ADCY5: variants seen among roughly 807,000 people sequenced by gnomAD.
The protein encoded by ADCY5 is adenylate cyclase 5.
Under a neutral mutation model 119.7 loss-of-function variants are expected in ADCY5, and 30 were observed. The observed-to-expected ratio is 0.25, with a 90% CI of 0.19 to 0.34. ADCY5 has a LOEUF of 0.34. ADCY5 is among the 10% of genes least tolerant of loss of function. The pLI is 1.00. For synonymous variants in ADCY5, 753 were observed against 762.2 expected (o/e 0.99, Z 0.20); for missense variants, 1,324 against 1,775.2 (o/e 0.75, Z 4.57).
At chr3:123,295,751 C>T (rs1219577545) in intron 17 of ADCY5, among the ~76,000 whole-genome samples, 1 of 152,186 alleles carries the variant, frequency 6.6e-6, no homozygotes. Context: ...CCGCACCTCC[C>T]CTCTGTCCCT....
intron 1 of ADCY5, among the ~76,000 whole-genome samples, chr3:123,435,665 A>C (rs1184416595): frequency 6.6e-6 from 1 of 151,988 alleles, no homozygotes; most frequent in Non-Finnish European, 1.5e-5. Flanking sequence ...ACCTGAAGAC[A>C]GGTTAGAGTA....
chr3:123,448,046 C>T lies in ADCY5; in HGVS notation c.500G>A (p.Gly167Glu). 8.0e-7 allele frequency: 1 copy of T among 1,243,390 alleles called. No homozygotes were observed. Among genetic ancestry groups the T allele is most frequent in the Non-Finnish European group, 1.0e-6 (1 of 993,856 alleles). The allele number at this position is 1,243,390 out of a possible 1,614,324, so 77.0% of individuals were successfully genotyped here. Reference protein sequence around the residue: ...EVGLEERRGKGRAADELEAGA... With the variant: ...EVGLEERRGKERAADELEAGA... Reference sequence around the variant, plus strand: ...GGCCTCCAGCTCGTCGGCCGCGCGCCCCTTGCCCCGCCGCTCCTCCAGACC... The same window carrying T: ...GGCCTCCAGCTCGTCGGCCGCGCGCTCCTTGCCCCGCCGCTCCTCCAGACC... Residue 167 changes from glycine to glutamate, a missense_variant, in exon 1 of 21, where the codon GGG becomes GAG. By Grantham distance (98) the Gly-to-Glu change is moderately conservative. Coordinates refer to ENST00000462833, the MANE Select transcript of ADCY5 (RefSeq NM_183357.3).
intron 1 of ADCY5, among the ~76,000 whole-genome samples, chr3:123,395,947 GAGAGACAGAGAGA>G (rs1330433302): frequency 2.1e-5 from 3 of 141,468 alleles, no homozygotes; most frequent in African/African-American, 7.9e-5. Flanking sequence ...AGGAAGGAAG[GAGAGACAGAGAGA>G]AAGAAAGGAA....
intron 1 of ADCY5, among the ~76,000 whole-genome samples, chr3:123,422,013 A>T (rs1226205394): frequency 6.6e-6 from 1 of 152,146 alleles, no homozygotes; most frequent in Non-Finnish European, 1.5e-5. Flanking sequence ...TAATAATCAC[A>T]TTACCCGGTG....
rs1453664682 is a variant in ADCY5 at position 123,340,178 on chromosome 3, G to C, written c.1407-7503C>G. On this transcript the variant is annotated intron_variant, in intron 3 of 20. Coordinates refer to ENST00000462833, the MANE Select transcript of ADCY5 (RefSeq NM_183357.3). ...GTGGCAGCAGGCACCTGGGGTCCGAGTTACTGGGAGCTGAGGTGGGAGAAC... is the reference window on the plus strand; with the variant it reads ...GTGGCAGCAGGCACCTGGGGTCCGACTTACTGGGAGCTGAGGTGGGAGAAC... 3.9e-5 allele frequency among the ~76,000 whole-genome samples: 6 copies of C among 151,990 alleles called. No homozygotes were observed. The South Asian group carries it at 8.3e-4, about 21-fold the overall frequency.
At chr3:123,315,975 G>A (rs1940895583) in intron 11 of ADCY5, among the ~76,000 whole-genome samples, 1 of 152,176 alleles carries the variant, frequency 6.6e-6, no homozygotes, top group South Asian at 2.1e-4. Flanking sequence ...CACAGCCTCA[G>A]TGCAGGGGTC....
At chr3:123,426,264 TGA>T (rs1446258517) in intron 1 of ADCY5, among the ~76,000 whole-genome samples, 6 of 151,318 alleles carry the variant, frequency 4.0e-5, no homozygotes, top group African/African-American at 9.7e-5. Context: ...CTGTAGGAGC[TGA>T]CATTCTTTTT....
intron 6 of ADCY5, 57 bp downstream of exon 6, chr3:123,328,587 G>C (rs1034141197): frequency 6.3e-7 from 1 of 1,592,582 alleles, no homozygotes; most frequent in Admixed American, 1.7e-5. Flanking sequence ...GTCACCCTGG[G>C]TGGGCTTGAG....
At chr3:123,414,701 C>T (rs1179042384) in intron 1 of ADCY5, among the ~76,000 whole-genome samples, 3 of 152,286 alleles carry the variant, frequency 2.0e-5, no homozygotes, top group East Asian at 1.9e-4. Flanking sequence ...GGATTACAGG[C>T]ATGCACCACC....
At chr3:123,404,389 A>G (rs1001306111) in intron 1 of ADCY5, 2 of 152,322 alleles carry the variant, frequency 1.3e-5, no homozygotes, top group African/African-American at 4.8e-5. Flanking sequence ...GCCACCGGTC[A>G]GTTCAGAACA....
chr3:123,415,515 G>A (rs1336337817), intron 1 of ADCY5, among the ~76,000 whole-genome samples: 1 of 152,272 alleles, frequency 6.6e-6, no homozygotes, highest in East Asian at 1.9e-4. Context: ...GCCCCTGGGA[G>A]AACTAACGAG....
intron 3 of ADCY5, among the ~76,000 whole-genome samples, chr3:123,341,188 C>A (rs1045869913): frequency 7.2e-5 from 11 of 152,056 alleles, no homozygotes; most frequent in Non-Finnish European, 1.6e-4. Context: ...CCTAGAAGCA[C>A]TATTCACAAT....
chr3:123,448,562 T>C lies in ADCY5; in HGVS notation c.-17A>G, dbSNP rs1945874151. The stretch of plus-strand genomic sequence containing the variant: ...GCCGGACATCCCCCCCTCGGCCTCG[T>C]CGTCTCCTTCCTCCTCCCCCGGAAG... On this transcript the variant is annotated 5_prime_UTR_variant, in exon 1 of 21. Coordinates refer to ENST00000462833, the MANE Select transcript of ADCY5 (RefSeq NM_183357.3). 2 of 1,263,892 alleles carry C rather than the reference T, an allele frequency of 1.6e-6. No individual in the cohort carries two copies. The highest frequency in any genetic ancestry group is 1.5e-5 in the African/African-American group (1 of 64,518). 78.3% of individuals were successfully genotyped at this position (1,263,892 alleles called of 1,614,324 possible). A position where few individuals can be genotyped will look rare whatever the true frequency, so the allele number is the denominator to read the frequency against.
chr3:123,338,719 G>A (rs1425737402), intron 3 of ADCY5, among the ~76,000 whole-genome samples: 1 of 152,196 alleles, frequency 6.6e-6, no homozygotes, highest in Non-Finnish European at 1.5e-5. Flanking sequence ...TTCTATTCCA[G>A]GGGCAAGAGT....
chr3:123,339,121 G>A (rs553976872), intron 3 of ADCY5, among the ~76,000 whole-genome samples: 5 of 152,310 alleles, frequency 3.3e-5, no homozygotes, highest in East Asian at 3.9e-4. Context: ...TGAAGGTGCC[G>A]GGGAAGTACC....
chr3:123,303,401 G>C lies in ADCY5; in HGVS notation c.2560-182C>G, dbSNP rs542742873. Among the ~76,000 whole-genome samples, 3 of 152,308 alleles carry C rather than the reference G, an allele frequency of 2.0e-5. No homozygotes were observed. In the South Asian group the frequency reaches 6.2e-4, roughly 32 times the overall value. ...AAAGTCTGCCCAGCTGTCCTGGCTG[G>C]AGGGGGTGTGGCTAGCATGCCCTCC... On this transcript the variant is annotated intron_variant, in intron 13 of 20. Transcript: ENST00000462833.
chr3:123,408,787 C>T (rs563704343), intron 1 of ADCY5, among the ~76,000 whole-genome samples: 1 of 152,194 alleles, frequency 6.6e-6, no homozygotes, highest in Non-Finnish European at 1.5e-5. Context: ...ATCAGCCTGG[C>T]CAACATGGTG....
chr3:123,288,960 C>T (rs1416945527), intron 19 of ADCY5, among the ~76,000 whole-genome samples: 1 of 152,204 alleles, frequency 6.6e-6, no homozygotes, highest in Non-Finnish European at 1.5e-5. Context: ...CTCACCATTT[C>T]TTTCCCCAGT....
At chr3:123,382,683 T>C (rs1388615393) in intron 1 of ADCY5, among the ~76,000 whole-genome samples, 3 of 152,098 alleles carry the variant, frequency 2.0e-5, no homozygotes, top group Non-Finnish European at 4.4e-5. Flanking sequence ...AGGACAAATA[T>C]TGTGGGAAGT....
Sources: allele counts gnomAD v4.1 joint callset (sites outside exome capture counted in the v4.1 genomes callset), GRCh38; gene constraint gnomAD v4.1.1; transcripts MANE v1.5; gene names NCBI Gene and HGNC (gene_info 2026-07-23, HGNC 2026-07-21).